The following PXDNL variants were observed in gnomAD, a reference collection of about 807,000 sequenced individuals.
PXDNL encodes the protein peroxidasin like.
Under a neutral mutation model 150.8 loss-of-function variants are expected in PXDNL, and 145 were observed. The ratio of observed to expected loss-of-function variants is 0.96; its 90% confidence interval spans 0.84 to 1.10. The LOEUF (loss-of-function observed/expected upper bound fraction) is 1.10. PXDNL is among the 50% of genes least tolerant of loss of function. PXDNL has a pLI of 0.00. For missense variants in PXDNL, 2,087 were observed against 1,873.9 expected, an observed-to-expected ratio of 1.11 and a Z score of -2.10; for synonymous variants, 757 against 725.7, an observed-to-expected ratio of 1.04 and a Z score of -0.69.
chr8:51,536,355 A>G (rs1384830076), intron 4 of PXDNL, among the ~76,000 whole-genome samples: 1 of 151,996 alleles, frequency 6.6e-6, no homozygotes, highest in Non-Finnish European at 1.5e-5. Context: ...TGAGTTCTCT[A>G]TCACTTACAG....
intron 6 of PXDNL, among the ~76,000 whole-genome samples, chr8:51,483,087 G>A (rs888812038): frequency 1.3e-5 from 2 of 152,256 alleles, no homozygotes; most frequent in Admixed American, 6.5e-5. Context: ...ACAGATGGGA[G>A]TGAAGAGACA....
intron 1 of PXDNL, among the ~76,000 whole-genome samples, chr8:51,735,526 GTTTTTTT>G (rs777986365): frequency 0.27 from 11,095 of 40,732 alleles, 1,261 homozygotes; most frequent in East Asian, 0.56. Context: ...ATTAAAAATT[GTTTTTTT>G]TTTTTTTTTT....
At chr8:51,477,721 C>A (rs1810512719) in intron 6 of PXDNL, among the ~76,000 whole-genome samples, 1 of 152,174 alleles carries the variant, frequency 6.6e-6, no homozygotes, top group Admixed American at 6.5e-5. Context: ...TACACATCCC[C>A]TGGGAGCATC....
rs529920518 is a variant in PXDNL, at chr8:51,722,620, C to T, written c.165-67860G>A. Among the ~76,000 whole-genome samples, 10 of 152,206 alleles carry T rather than the reference C, an allele frequency of 6.6e-5. No individual in the cohort carries two copies. In the East Asian group the frequency reaches 1.2e-3, roughly 18 times the overall value. On this transcript the variant is annotated intron_variant, in intron 1 of 22. Transcript: ENST00000356297. ...CTGGAAAGGGGATGGAGTGGGAAGA[C>T]GATCTTCCCCTGGGGTTTGGCTGCC...
chr8:51,749,501 G>T (rs1474089750), intron 1 of PXDNL, among the ~76,000 whole-genome samples: 1 of 133,840 alleles, frequency 7.5e-6, no homozygotes, highest in Admixed American at 7.6e-5. Context: ...ACATAGAAAA[G>T]GTACAGTAAA....
intron 15 of PXDNL, among the ~76,000 whole-genome samples, chr8:51,411,998 G>T (rs1563400948): frequency 1.3e-5 from 2 of 152,294 alleles, no homozygotes; most frequent in Admixed American, 6.5e-5. Flanking sequence ...GCTAAAGAAA[G>T]AACTAGGTTG....
chr8:51,565,215 C>G (rs2130571350), intron 3 of PXDNL, among the ~76,000 whole-genome samples: 1 of 151,718 alleles, frequency 6.6e-6, no homozygotes, highest in Admixed American at 6.6e-5. Context: ...ACACAACATA[C>G]AGCTTATTCA....
intron 2 of PXDNL, among the ~76,000 whole-genome samples, chr8:51,628,368 T>TTTTTCATC (rs1468207802): frequency 6.6e-6 from 1 of 151,002 alleles, no homozygotes; most frequent in Non-Finnish European, 1.5e-5. Flanking sequence ...CTTTCTTTCC[T>TTTTTCATC]TTTTCATCTC....
rs1429318039 is a variant in PXDNL, at chr8:51,474,663, T to C, written c.694+309A>G. 3.3e-5 allele frequency among the ~76,000 whole-genome samples: 5 copies of C among 152,364 alleles called. No homozygotes were observed. In the East Asian group the frequency reaches 9.6e-4, roughly 29 times the overall value. ...CATACCAAGGAATAAGTGGAGATTT[T>C]AACGTTGGACACCACTTCTGGTGAC... On this transcript the variant is annotated intron_variant, in intron 7 of 22. Transcript: ENST00000356297.
chr8:51,442,633 C>T (rs1212293197), intron 12 of PXDNL, among the ~76,000 whole-genome samples: 1 of 151,734 alleles, frequency 6.6e-6, no homozygotes, highest in Non-Finnish European at 1.5e-5. Context: ...ATTCTTCTTC[C>T]TAAATCTATT....
chr8:51,345,859 A>C lies in PXDNL; in HGVS notation c.3990T>G (p.Asp1330Glu). ...TACTTCTTAGATGACTTAACTCCAT[A>C]TCCTTATCAACAGGATAGCTGTATT... ...SAQYSYPVDKDMELSHLRSRQ... is the reference protein window; with the variant it reads ...SAQYSYPVDKEMELSHLRSRQ... Residue 1330 changes from aspartate to glutamate, a missense_variant, in exon 20 of 23, where the codon GAT becomes GAG. Transcript: ENST00000356297. The C allele has an allele frequency of 6.2e-7, 1 of 1,612,260 alleles. No homozygotes were observed. The highest frequency in any genetic ancestry group is 8.5e-7 in the Non-Finnish European group (1 of 1,178,296).
chr8:51,470,988 A>T (rs1006290576), intron 8 of PXDNL, among the ~76,000 whole-genome samples: 1 of 151,704 alleles, frequency 6.6e-6, no homozygotes, highest in Admixed American at 6.6e-5. Flanking sequence ...GACAAATGGG[A>T]TCTAGTTAAA....
intron 1 of PXDNL, among the ~76,000 whole-genome samples, chr8:51,682,667 A>G (rs896538923): frequency 6.6e-6 from 1 of 152,192 alleles, no homozygotes; most frequent in Non-Finnish European, 1.5e-5. Context: ...TTTCTTAGAA[A>G]TGTGTATAAT....
intron 21 of PXDNL, among the ~76,000 whole-genome samples, chr8:51,332,968 A>G (rs938671047): frequency 2.0e-4 from 31 of 152,222 alleles, no homozygotes; most frequent in African/African-American, 7.5e-4. Context: ...TAGACGTGCA[A>G]ATACAAGAAG....
At chr8:51,432,065 C>G (rs1201128915) in intron 12 of PXDNL, among the ~76,000 whole-genome samples, 1 of 152,066 alleles carries the variant, frequency 6.6e-6, no homozygotes, top group African/African-American at 2.4e-5. Flanking sequence ...GCAAATCTTT[C>G]TATACTATCA....
At chr8:51,688,662 C>G (rs1368806067) in intron 1 of PXDNL, among the ~76,000 whole-genome samples, 1 of 152,062 alleles carries the variant, frequency 6.6e-6, no homozygotes, top group Non-Finnish European at 1.5e-5. Flanking sequence ...CTTGCAGTTC[C>G]CATCCTGATG....
At chr8:51,380,358 A>C (rs1807495627) in intron 17 of PXDNL, among the ~76,000 whole-genome samples, 1 of 152,198 alleles carries the variant, frequency 6.6e-6, no homozygotes, top group Non-Finnish European at 1.5e-5. Context: ...TGCCACAAAG[A>C]AGCACTACTA....
chr8:51,749,004 G>A (rs1484081652), intron 1 of PXDNL, among the ~76,000 whole-genome samples: 2 of 152,120 alleles, frequency 1.3e-5, no homozygotes, highest in Non-Finnish European at 2.9e-5. Context: ...CGTAACTAGT[G>A]TAAGTATGAT....
chr8:51,435,328 T>TA (rs892037820), intron 12 of PXDNL, among the ~76,000 whole-genome samples: 39 of 143,392 alleles, frequency 2.7e-4, no homozygotes, highest in South Asian at 4.5e-4. Context: ...CTCAAAAAAC[T>TA]AAAAAAAAAA....
Sources: allele counts gnomAD v4.1 joint callset (sites outside exome capture counted in the v4.1 genomes callset), GRCh38; gene constraint gnomAD v4.1.1; transcripts MANE v1.5; gene names NCBI Gene and HGNC (gene_info 2026-07-23, HGNC 2026-07-21).